Variants in PALS2 observed in about 807,000 individuals in gnomAD.
PALS2 encodes the protein protein associated with LIN7 2, MAGUK p55 family member, also known as protein PALS2.
In PALS2, 27 loss-of-function variants were observed where a neutral mutation model predicts 61.6. That is an observed-to-expected ratio of 0.44 (90% CI 0.32 to 0.60). The LOEUF is 0.60. Among genes scored for constraint, PALS2 ranks in the 20% least tolerant of loss-of-function variants. PALS2 has a pLI of 0.05. For missense variants in PALS2, 554 were observed against 639.4 expected, an observed-to-expected ratio of 0.87 and a Z score of 1.44; for synonymous variants, 236 against 218.6, an observed-to-expected ratio of 1.08 and a Z score of -0.70.
intron 1 of PALS2, among the ~76,000 whole-genome samples, chr7:24,584,603 T>A (rs867152427): frequency 1.2e-4 from 18 of 151,722 alleles, no homozygotes; most frequent in Non-Finnish European, 1.0e-4. Flanking sequence ...TTTCTCCCAT[T>A]TTGTAGGTTG....
At chr7:24,626,565 T>C (rs1398059438) in intron 2 of PALS2, among the ~76,000 whole-genome samples, 2 of 152,104 alleles carry the variant, frequency 1.3e-5, no homozygotes, top group African/African-American at 2.4e-5. Flanking sequence ...ATGCCCCAAT[T>C]AAAAGACATA....
chr7:24,597,910 G>A (rs539109955), intron 1 of PALS2, among the ~76,000 whole-genome samples: 17 of 152,172 alleles, frequency 1.1e-4, no homozygotes, highest in Non-Finnish European at 2.2e-4. Context: ...GGATTGTGCA[G>A]CAGTATTTGG....
chr7:24,632,077 A>G (rs1046911937), intron 2 of PALS2, among the ~76,000 whole-genome samples: 2 of 152,194 alleles, frequency 1.3e-5, no homozygotes, highest in Admixed American at 6.5e-5. Flanking sequence ...AGATTAACCT[A>G]TCTCTTTTTG....
intron 1 of PALS2, among the ~76,000 whole-genome samples, chr7:24,619,177 A>G (rs2128055194): frequency 6.6e-6 from 1 of 152,080 alleles, no homozygotes; most frequent in East Asian, 1.9e-4. Flanking sequence ...CCCTTTTTTA[A>G]TGGGAGTATT....
intron 11 of PALS2, among the ~76,000 whole-genome samples, chr7:24,683,129 TCTTTGC>T: frequency 6.6e-6 from 1 of 152,346 alleles, no homozygotes; most frequent in Admixed American, 6.5e-5. Context: ...ACTTTATTGA[TCTTTGC>T]CTTGGATAAA....
intron 1 of PALS2, among the ~76,000 whole-genome samples, chr7:24,594,011 T>A (rs886484206): frequency 1.3e-5 from 2 of 152,126 alleles, no homozygotes; most frequent in Non-Finnish European, 2.9e-5. Context: ...ACTGAAAATC[T>A]ATCTGTTGTG....
At chr7:24,595,272 C>T (rs1199267363) in intron 1 of PALS2, among the ~76,000 whole-genome samples, 1 of 150,742 alleles carries the variant, frequency 6.6e-6, no homozygotes, top group Non-Finnish European at 1.5e-5. Flanking sequence ...TAGGAAGTAA[C>T]ATGATAATTT....
chr7:24,656,206 A>C (rs913069113), intron 5 of PALS2, among the ~76,000 whole-genome samples: 1 of 152,182 alleles, frequency 6.6e-6, no homozygotes, highest in Non-Finnish European at 1.5e-5. Flanking sequence ...ATGTTTAGCC[A>C]ACACATTCCC....
intron 6 of PALS2, among the ~76,000 whole-genome samples, chr7:24,664,580 T>C (rs1000040235): frequency 3.3e-5 from 5 of 152,158 alleles, no homozygotes; most frequent in Admixed American, 2.6e-4. Flanking sequence ...CTCTAAATTA[T>C]AGATCTACTT....
intron 1 of PALS2, among the ~76,000 whole-genome samples, chr7:24,611,249 G>A (rs1344168278): frequency 6.6e-6 from 1 of 151,954 alleles, no homozygotes; most frequent in Non-Finnish European, 1.5e-5. Flanking sequence ...ACATTTATAG[G>A]CAGGAAGTAT....
intron 1 of PALS2, among the ~76,000 whole-genome samples, chr7:24,583,092 C>T (rs1458658237): frequency 6.6e-6 from 1 of 151,838 alleles, no homozygotes; most frequent in African/African-American, 2.4e-5. Context: ...AGGGTTTCAC[C>T]ATGTTGGCCA....
rs145169194 is a variant in PALS2 at position 24,650,688 on chromosome 7, T to C, written c.627T>C (p.Tyr209=). 1,960 of 1,596,528 alleles carry C rather than the reference T, an allele frequency of 1.2e-3. 23 individuals are homozygous for C. In the African/African-American group the frequency reaches 0.022, roughly 18 times the overall value. Residue 209 remains tyrosine, a synonymous_variant, in exon 5 of 12, where the codon TAT becomes TAC. Transcript: ENST00000222644. ...TCACCCTAAAAATCTTACCAAGTTA[T>C]AGAGATACCATTACTCCTCAACAGG... The part of the protein sequence containing the change: ...GSVTLKILPS[Y]RDTITPQQVF...
intron 9 of PALS2, 108 bp downstream of exon 9, chr7:24,668,768 T>A: frequency 7.5e-7 from 1 of 1,340,372 alleles, no homozygotes. Context: ...AAATAAGTTT[T>A]CTTTATGGCA....
intron 2 of PALS2, among the ~76,000 whole-genome samples, chr7:24,633,986 C>T (rs1251938200): frequency 2.0e-5 from 3 of 152,124 alleles, no homozygotes; most frequent in Admixed American, 6.5e-5. Context: ...TGATATTGAG[C>T]ATCTTTTCAT....
intron 9 of PALS2, among the ~76,000 whole-genome samples, chr7:24,678,754 A>C (rs1787758455): frequency 6.6e-6 from 1 of 152,212 alleles, no homozygotes; most frequent in African/African-American, 2.4e-5. Flanking sequence ...TTGAGTTTCA[A>C]AGTGATTTTA....
At chr7:24,593,544 T>A (rs1783381573) in intron 1 of PALS2, among the ~76,000 whole-genome samples, 1 of 152,124 alleles carries the variant, frequency 6.6e-6, no homozygotes, top group African/African-American at 2.4e-5. Flanking sequence ...TTAAATAAGA[T>A]TTGAAAGTCA....
chr7:24,623,672 A>C lies in PALS2; in HGVS notation c.5A>C (p.Gln2Pro). Residue 2 changes from glutamine to proline, a missense_variant, in exon 2 of 12, where the codon CAG becomes CCG. By Grantham distance (76) the Gln-to-Pro change is moderately conservative. Coordinates refer to ENST00000222644, the MANE Select transcript of PALS2 (RefSeq NM_001303037.2). ...GTTGCTTTTATCTCAGCAGCAATGC[A>C]GCAAGTCTTGGAAAACCTTACGGAG... MQQVLENLTELP... is the reference protein window; with the variant it reads MPQVLENLTELP... 6.4e-7 allele frequency: 1 copy of C among 1,568,272 alleles called. No homozygotes were observed. The highest frequency in any genetic ancestry group is 2.2e-5 in the East Asian group (1 of 44,486).
chr7:24,611,093 C>T (rs1273770427), intron 1 of PALS2, among the ~76,000 whole-genome samples: 1 of 152,100 alleles, frequency 6.6e-6, no homozygotes, highest in Non-Finnish European at 1.5e-5. Flanking sequence ...AAGAATAGCT[C>T]ATTTACTTAC....
At chr7:24,640,178 ATTTTTC>A (rs1172168104) in intron 2 of PALS2, among the ~76,000 whole-genome samples, 3 of 149,242 alleles carry the variant, frequency 2.0e-5, no homozygotes. Flanking sequence ...GTCTTTTGAT[ATTTTTC>A]TTTTTGTTTA....
Sources: allele counts gnomAD v4.1 joint callset (sites outside exome capture counted in the v4.1 genomes callset), GRCh38; gene constraint gnomAD v4.1.1; transcripts MANE v1.5; gene names NCBI Gene and HGNC (gene_info 2026-07-23, HGNC 2026-07-21).